The following KCNH8 variants were observed in gnomAD, a reference collection of about 807,000 sequenced individuals.
KCNH8 encodes the protein voltage-gated delayed rectifier potassium channel KCNH8.
In KCNH8, 70 loss-of-function variants were observed where a neutral mutation model predicts 103.6. The observed-to-expected ratio is 0.68, with a 90% CI of 0.56 to 0.82. The LOEUF (loss-of-function observed/expected upper bound fraction) is 0.82. Ranked by LOEUF, KCNH8 falls within the 40% of genes least tolerant of loss-of-function variation. The probability of loss-of-function intolerance (pLI) is 0.00; values close to 1 mark genes in which losing one functional copy is unlikely to be tolerated. For missense variants in KCNH8, 1,217 were observed against 1,329.9 expected, an observed-to-expected ratio of 0.92 and a Z score of 1.32; for synonymous variants, 498 against 489.4, an observed-to-expected ratio of 1.02 and a Z score of -0.23.
Position 19,311,123 on chromosome 3 carries a change from A to G in KCNH8, c.442+29794A>G, listed in dbSNP as rs550749001. Among the ~76,000 whole-genome samples the G allele has an allele frequency of 1.3e-3, 201 of 151,844 alleles. 2 individuals are homozygous for G. In the South Asian group the frequency reaches 0.039, roughly 29 times the overall value. ...AGATTGCCCTACCCAAACTCCCTTT[A>G]TAAGTTCTTTCTCTGATTTTTTACA... On this transcript the variant is annotated intron_variant, in intron 3 of 15. Transcript: ENST00000328405.
intron 3 of KCNH8, among the ~76,000 whole-genome samples, chr3:19,334,682 G>A (rs1184678296): frequency 2.1e-5 from 3 of 143,190 alleles, no homozygotes; most frequent in African/African-American, 2.6e-5. Context: ...TTATGTTTAA[G>A]ATTAGTTTAT....
At chr3:19,491,972 T>C (rs1472857819) in intron 11 of KCNH8, among the ~76,000 whole-genome samples, 5 of 152,234 alleles carry the variant, frequency 3.3e-5, no homozygotes, top group Non-Finnish European at 5.9e-5. Context: ...GTGTGTCTTC[T>C]TTTGAGAGGA....
At chr3:19,304,184 C>T (rs933143259) in intron 3 of KCNH8, among the ~76,000 whole-genome samples, 12 of 152,146 alleles carry the variant, frequency 7.9e-5, no homozygotes, top group African/African-American at 2.7e-4. Flanking sequence ...ACCTGGACAG[C>T]CCATGAGAAA....
intron 1 of KCNH8, among the ~76,000 whole-genome samples, chr3:19,190,085 T>A (rs2063537180): frequency 6.6e-6 from 1 of 151,944 alleles, no homozygotes; most frequent in African/African-American, 2.4e-5. Context: ...GAGGGGGGAA[T>A]ACTTAAGGTG....
At chr3:19,279,568 TAA>T (rs55996488) in intron 2 of KCNH8, among the ~76,000 whole-genome samples, 5,367 of 142,330 alleles carry the variant, frequency 0.038, 257 homozygotes, top group African/African-American at 0.11. Flanking sequence ...GCCATAGGGC[TAA>T]AAAAAAAAAA....
rs566083249 is a variant in KCNH8, at chr3:19,185,816, A to T, written c.76+37021A>T. Among the ~76,000 whole-genome samples the T allele has an allele frequency of 9.9e-5, 15 of 152,084 alleles. 1 individual carries two copies. In the East Asian group the frequency reaches 2.3e-3, roughly 23 times the overall value. On this transcript the variant is annotated intron_variant, in intron 1 of 15. Transcript: ENST00000328405. Reference sequence around the variant, plus strand: ...GTAATTCTGTCAAAGCAATGGTCTTATATTTACTTTCCACATTTATTCCCC... The same window carrying T: ...GTAATTCTGTCAAAGCAATGGTCTTTTATTTACTTTCCACATTTATTCCCC...
At chr3:19,478,755 C>T (rs1251282276) in intron 11 of KCNH8, among the ~76,000 whole-genome samples, 1 of 152,028 alleles carries the variant, frequency 6.6e-6, no homozygotes, top group Admixed American at 6.6e-5. Flanking sequence ...AAGACTAGTT[C>T]TAGCCACTAA....
chr3:19,189,569 A>T (rs1310184778), intron 1 of KCNH8, among the ~76,000 whole-genome samples: 1 of 151,942 alleles, frequency 6.6e-6, no homozygotes, highest in Non-Finnish European at 1.5e-5. Flanking sequence ...TCTTAGGAAA[A>T]ATTTCTCATT....
At chr3:19,492,830 CGTGTGTGTGTGTGTGTGTGTGTGT>C (rs67383228) in intron 11 of KCNH8, among the ~76,000 whole-genome samples, 192 of 123,512 alleles carry the variant, frequency 1.6e-3, no homozygotes, top group African/African-American at 4.7e-3. Context: ...AATGTTTTTT[CGTGTGTGTGTGTGTGTGTGTGTGT>C]GTGTGTGTGT....
chr3:19,270,158 C>A (rs2064567966), intron 2 of KCNH8, among the ~76,000 whole-genome samples: 1 of 152,130 alleles, frequency 6.6e-6, no homozygotes, highest in Admixed American at 6.6e-5. Flanking sequence ...TTACTATGCT[C>A]ATTTTTTAAT....
chr3:19,168,155 G>A (rs1246155545), intron 1 of KCNH8, among the ~76,000 whole-genome samples: 1 of 151,900 alleles, frequency 6.6e-6, no homozygotes, highest in African/African-American at 2.4e-5. Flanking sequence ...GATTACAGGT[G>A]CCTGCCGCCA....
chr3:19,289,558 G>A (rs1352978972), intron 3 of KCNH8, among the ~76,000 whole-genome samples: 1 of 152,062 alleles, frequency 6.6e-6, no homozygotes, highest in Non-Finnish European at 1.5e-5. Context: ...TTATTTCTGA[G>A]GGCTCTGTTC....
At position 19,511,566 on chromosome 3, in the gene KCNH8, A is replaced by G. The variant is rs537366180; in HGVS notation, c.2079+1165A>G. On this transcript the variant is annotated intron_variant, in intron 12 of 15. Transcript: ENST00000328405. Reference sequence around the variant, plus strand: ...CTGGGTAAACTGATTTTTCTATCCAACGATGCTAGTATACAAATGTTCCCC... The same window carrying G: ...CTGGGTAAACTGATTTTTCTATCCAGCGATGCTAGTATACAAATGTTCCCC... 1.3e-4 allele frequency among the ~76,000 whole-genome samples: 20 copies of G among 152,246 alleles called. No individual in the cohort carries two copies. The South Asian group carries it at 3.7e-3, about 28-fold the overall frequency.
intron 1 of KCNH8, among the ~76,000 whole-genome samples, chr3:19,169,255 CTTTTT>C (rs768036667): frequency 1.6e-5 from 2 of 124,964 alleles, no homozygotes; most frequent in African/African-American, 3.2e-5. Context: ...TTCTTTCTTT[CTTTTT>C]TTTTTTTTTT....
At chr3:19,299,879 T>C (rs544076005) in intron 3 of KCNH8, among the ~76,000 whole-genome samples, 1 of 152,124 alleles carries the variant, frequency 6.6e-6, no homozygotes, top group East Asian at 1.9e-4. Context: ...GTTTTAGTAT[T>C]ATTTTAATAT....
intron 3 of KCNH8, among the ~76,000 whole-genome samples, chr3:19,300,215 C>T (rs946567655): frequency 2.6e-5 from 4 of 151,114 alleles, no homozygotes; most frequent in Admixed American, 2.0e-4. Context: ...CACCACTGCC[C>T]TCCAGCCTGG....
At chr3:19,365,583 A>G (rs2066000787) in intron 5 of KCNH8, among the ~76,000 whole-genome samples, 1 of 152,056 alleles carries the variant, frequency 6.6e-6, no homozygotes, top group Non-Finnish European at 1.5e-5. Flanking sequence ...TCTATGAAAA[A>G]TATATTTATT....
chr3:19,499,948 T>C (rs561159988), intron 11 of KCNH8, among the ~76,000 whole-genome samples: 1 of 152,148 alleles, frequency 6.6e-6, no homozygotes, highest in African/African-American at 2.4e-5. Context: ...AATATTAACT[T>C]TAAATGTAAA....
At chr3:19,154,834 T>G (rs572925345) in intron 1 of KCNH8, among the ~76,000 whole-genome samples, 1 of 152,292 alleles carries the variant, frequency 6.6e-6, no homozygotes, top group Non-Finnish European at 1.5e-5. Flanking sequence ...ATCCCAACAG[T>G]AAAAGGTAAA....
Sources: allele counts gnomAD v4.1 joint callset (sites outside exome capture counted in the v4.1 genomes callset), GRCh38; gene constraint gnomAD v4.1.1; transcripts MANE v1.5; gene names NCBI Gene and HGNC (gene_info 2026-07-23, HGNC 2026-07-21).